Variants in ARHGAP44 observed in about 807,000 individuals in gnomAD.
The protein encoded by ARHGAP44 is Rho GTPase activating protein 44.
ARHGAP44 carries 43 observed loss-of-function variants against 106.8 expected under a neutral mutation model. The observed-to-expected ratio is 0.40, with a 90% CI of 0.32 to 0.52. The LOEUF (loss-of-function observed/expected upper bound fraction) is 0.52. Ranked by LOEUF, ARHGAP44 falls within the 20% of genes least tolerant of loss-of-function variation. The probability of loss-of-function intolerance (pLI) is 0.48; values close to 1 mark genes in which losing one functional copy is unlikely to be tolerated. For missense variants in ARHGAP44, 866 were observed against 1,050.5 expected, an observed-to-expected ratio of 0.82 and a Z score of 2.43; for synonymous variants, 439 against 410.3, an observed-to-expected ratio of 1.07 and a Z score of -0.85.
chr17:12,899,842 C>T (rs561684058), intron 3 of ARHGAP44, among the ~76,000 whole-genome samples: 3 of 152,296 alleles, frequency 2.0e-5, no homozygotes, highest in South Asian at 2.1e-4. Flanking sequence ...TACTTGAGTA[C>T]GTGTAAGTTG....
Position 12,974,208 on chromosome 17 carries a change from C to A in ARHGAP44, c.1661C>A (p.Ala554Glu). ...CCCGCCCCGCCCGCCGAGCTGGCTG[C>A]GCCCCTGCCTTCGCCGCTGCCGGAG... ...QPPAPPAELA[A>E]PLPSPLPEQP... Residue 554 changes from alanine to glutamate, a missense_variant, in exon 18 of 21, where the codon GCG (alanine) becomes GAG (glutamate). Coordinates refer to ENST00000379672, the MANE Select transcript of ARHGAP44 (RefSeq NM_014859.6). 1 of 1,547,694 alleles carries A rather than the reference C, an allele frequency of 6.5e-7. No homozygotes were observed. The highest frequency in any genetic ancestry group is 1.2e-5 in the South Asian group (1 of 83,928).
chr17:12,813,213 C>T (rs182060119), intron 1 of ARHGAP44, among the ~76,000 whole-genome samples: 120 of 152,120 alleles, frequency 7.9e-4, no homozygotes, highest in African/African-American at 2.5e-3. Context: ...GGAAATTGAA[C>T]GGTTTTCTCA....
At chr17:12,930,527 C>T (rs1391622536) in intron 7 of ARHGAP44, among the ~76,000 whole-genome samples, 1 of 152,232 alleles carries the variant, frequency 6.6e-6, no homozygotes, top group East Asian at 1.9e-4. Flanking sequence ...CGTGAGCCAC[C>T]GTGCCTGGCC....
At chr17:12,917,388 C>T (rs1005334401) in intron 5 of ARHGAP44, 3 of 152,676 alleles carry the variant, frequency 2.0e-5, no homozygotes, top group African/African-American at 7.2e-5. Context: ...ATCGTGCAGC[C>T]CCGAATATGA....
At chr17:12,927,871 A>G (rs2038292624) in intron 6 of ARHGAP44, among the ~76,000 whole-genome samples, 1 of 152,144 alleles carries the variant, frequency 6.6e-6, no homozygotes, top group African/African-American at 2.4e-5. Flanking sequence ...TCTCCATTAC[A>G]AGTAGGAAAT....
Position 12,980,011 on chromosome 17 carries a change from T to G in ARHGAP44, c.1764-47T>G, listed in dbSNP as rs760027328. 11 of 1,537,648 alleles carry G rather than the reference T, an allele frequency of 7.2e-6. No individual in the cohort carries two copies. In the South Asian group the frequency reaches 1.4e-4, roughly 19 times the overall value. ...CCATCGGCAAGGCTGGTGCTGCCGC[T>G]CACTGAGTTCAGGGCTTTTCTTTTG... is the stretch of plus-strand genomic sequence containing the variant. On this transcript the variant is annotated intron_variant, in intron 18 of 20. Transcript: ENST00000379672.
intron 7 of ARHGAP44, among the ~76,000 whole-genome samples, chr17:12,937,866 CGAGGTGGGCGGATTGCCT>C (rs1482472880): frequency 6.6e-6 from 1 of 152,002 alleles, no homozygotes; most frequent in Non-Finnish European, 1.5e-5. Context: ...TTTGGGAGGC[CGAGGTGGGCGGATTGCCT>C]GAGGTCAGGA....
At chr17:12,928,450 A>G (rs1034338517) in intron 6 of ARHGAP44, among the ~76,000 whole-genome samples, 3 of 152,222 alleles carry the variant, frequency 2.0e-5, no homozygotes, top group African/African-American at 7.2e-5. Flanking sequence ...ATGTCTCACC[A>G]CAGAAAATCA....
chr17:12,915,801 G>GTT, intron 4 of ARHGAP44, 99 bp from the exon 5 acceptor site: 1 of 1,029,566 alleles, frequency 9.7e-7, no homozygotes, highest in Non-Finnish European at 1.4e-6. Context: ...ACACTGACTT[G>GTT]TGAAAGTTTA....
intron 1 of ARHGAP44, among the ~76,000 whole-genome samples, chr17:12,866,381 T>TA (rs1453096176): frequency 1.3e-5 from 2 of 152,154 alleles, no homozygotes; most frequent in Non-Finnish European, 2.9e-5. Flanking sequence ...GTTTTACCCG[T>TA]AAGTTCTAAC....
chr17:12,959,074 G>A (rs1044978436), intron 16 of ARHGAP44, 177 bp downstream of exon 16: 11 of 739,242 alleles, frequency 1.5e-5, no homozygotes, highest in South Asian at 5.1e-5. Context: ...TTGGCTTGCC[G>A]CCCTTTAGAC....
intron 19 of ARHGAP44, among the ~76,000 whole-genome samples, chr17:12,981,750 C>T (rs1202902989): frequency 1.3e-5 from 2 of 151,562 alleles, no homozygotes; most frequent in Non-Finnish European, 2.9e-5. Flanking sequence ...GTGGCCCCTG[C>T]CTGTAATCCT....
At chr17:12,879,219 C>T (rs1025230699) in intron 1 of ARHGAP44, among the ~76,000 whole-genome samples, 6 of 152,176 alleles carry the variant, frequency 3.9e-5, no homozygotes, top group Non-Finnish European at 5.9e-5. Context: ...TGAGAACACA[C>T]GATGTTTGGT....
intron 19 of ARHGAP44, chr17:12,980,923 G>A (rs967115050): frequency 6.6e-6 from 1 of 152,074 alleles, no homozygotes; most frequent in African/African-American, 2.4e-5. Flanking sequence ...CGCACTTCTA[G>A]GAGCGGCTTT....
intron 16 of ARHGAP44, among the ~76,000 whole-genome samples, chr17:12,964,160 G>A (rs2039334577): frequency 6.6e-6 from 1 of 152,038 alleles, no homozygotes; most frequent in Admixed American, 6.6e-5. Flanking sequence ...TTTTTGTTTG[G>A]GTTGTTTTAC....
chr17:12,979,826 T>TGAGTGCC (rs1438001181), intron 18 of ARHGAP44, among the ~76,000 whole-genome samples: 2 of 152,088 alleles, frequency 1.3e-5, no homozygotes, highest in Non-Finnish European at 2.9e-5. Flanking sequence ...GCATTGGCAG[T>TGAGTGCC]GAGTGCCAAG....
Position 12,962,072 on chromosome 17 carries a change from TA to T in ARHGAP44, c.1523+3184del, listed in dbSNP as rs555679666. On this transcript the variant is annotated intron_variant, in intron 16 of 20. Transcript: ENST00000379672. Reference sequence around the variant, plus strand: ...TGTTATTGAAGGTTTTTGGCCAAGTTAAAAAAAAATATATATATATATGAAT... The same window carrying T: ...TGTTATTGAAGGTTTTTGGCCAAGTTAAAAAAAATATATATATATATGAAT... 7.1e-4 allele frequency among the ~76,000 whole-genome samples: 105 copies of T among 148,076 alleles called. No individual in the cohort carries two copies. In the South Asian group the frequency reaches 0.013, roughly 19 times the overall value.
chr17:12,881,749 A>G (rs2036744123), intron 1 of ARHGAP44, among the ~76,000 whole-genome samples: 1 of 152,120 alleles, frequency 6.6e-6, no homozygotes, highest in South Asian at 2.1e-4. Context: ...GCTGGAGTAC[A>G]GTGGTATGAT....
chr17:12,863,755 C>A (rs890487975), intron 1 of ARHGAP44, among the ~76,000 whole-genome samples: 2 of 152,186 alleles, frequency 1.3e-5, no homozygotes, highest in African/African-American at 4.8e-5. Flanking sequence ...CTAATGCTCT[C>A]CAACATACCA....
Sources: gnomAD v4.1 joint callset for allele counts (sites outside exome capture counted in the v4.1 genomes callset) on GRCh38, gnomAD v4.1.1 for gene constraint, MANE v1.5 for transcripts, NCBI Gene and HGNC (gene_info 2026-07-23, HGNC 2026-07-21) for gene names.